The following SCAPER variants were observed in gnomAD, a reference collection of about 807,000 sequenced individuals.
The protein encoded by SCAPER is S phase cyclin A-associated protein in the endoplasmic reticulum.
In SCAPER, 98 loss-of-function variants were observed where a neutral mutation model predicts 182.2. The observed-to-expected ratio is 0.54, with a 90% confidence interval of 0.46 to 0.64. The LOEUF (loss-of-function observed/expected upper bound fraction) is 0.64, where lower values mean the gene tolerates loss of function less well. Ranked by LOEUF, SCAPER falls within the 30% of genes least tolerant of loss-of-function variation. The probability of loss-of-function intolerance (pLI) is 0.00; values close to 1 mark genes in which losing one functional copy is unlikely to be tolerated. For missense variants in SCAPER, 1,432 were observed against 1,690.0 expected (o/e 0.85, Z 2.68); for synonymous variants, 605 against 564.6 (o/e 1.07, Z -1.01).
chr15:76,549,750 A>AG (rs1298646964), intron 23 of SCAPER, among the ~76,000 whole-genome samples: 7 of 522 alleles, frequency 0.013, no homozygotes, highest in Admixed American at 0.045. Context: ...GTGTAAAAAC[A>AG]AAAAAAAGGA....
chr15:76,752,782 G>A (rs1481492623), intron 15 of SCAPER, among the ~76,000 whole-genome samples: 1 of 151,588 alleles, frequency 6.6e-6, no homozygotes, highest in Admixed American at 6.6e-5. Flanking sequence ...AGATGAAAAA[G>A]AGTAATGAAG....
intron 23 of SCAPER, among the ~76,000 whole-genome samples, chr15:76,541,981 G>A (rs2144761119): frequency 6.6e-6 from 1 of 152,108 alleles, no homozygotes; most frequent in South Asian, 2.1e-4. Flanking sequence ...CTAAATGAGG[G>A]GAACCTGAGT....
At chr15:76,568,658 TAC>T (rs2047217874) in intron 23 of SCAPER, among the ~76,000 whole-genome samples, 1 of 152,174 alleles carries the variant, frequency 6.6e-6, no homozygotes, top group South Asian at 2.1e-4. Flanking sequence ...GGGTTTTGCA[TAC>T]TGTTTCATTG....
At chr15:76,682,431 C>A (rs1054882367) in intron 20 of SCAPER, among the ~76,000 whole-genome samples, 1 of 152,100 alleles carries the variant, frequency 6.6e-6, no homozygotes, top group African/African-American at 2.4e-5. Context: ...TGCCCATCAA[C>A]ACCCTGCCAC....
At chr15:76,680,809 A>C (rs2057661266) in intron 20 of SCAPER, among the ~76,000 whole-genome samples, 1 of 152,140 alleles carries the variant, frequency 6.6e-6, no homozygotes, top group African/African-American at 2.4e-5. Flanking sequence ...CTCAATCTTA[A>C]ACCTTCCAGC....
At chr15:76,780,198 T>C (rs2064022347) in intron 8 of SCAPER, among the ~76,000 whole-genome samples, 1 of 152,236 alleles carries the variant, frequency 6.6e-6, no homozygotes, top group African/African-American at 2.4e-5. Flanking sequence ...TCCCATGGTC[T>C]TAGCAACTGG....
At chr15:76,396,659 G>A (rs2142065960) in intron 27 of SCAPER, among the ~76,000 whole-genome samples, 1 of 152,266 alleles carries the variant, frequency 6.6e-6, no homozygotes, top group South Asian at 2.1e-4. Flanking sequence ...TCTGGACATT[G>A]ATTTTGTATC....
intron 24 of SCAPER, among the ~76,000 whole-genome samples, chr15:76,488,377 AT>A (rs1449842333): frequency 2.6e-5 from 4 of 152,170 alleles, no homozygotes; most frequent in Non-Finnish European, 5.9e-5. Context: ...CAGTTTCATA[AT>A]GACAATATTA....
intron 24 of SCAPER, among the ~76,000 whole-genome samples, chr15:76,489,237 GA>G (rs1279116151): frequency 1.5e-5 from 2 of 135,378 alleles, no homozygotes; most frequent in Non-Finnish European, 3.2e-5. Flanking sequence ...AAAAGTAACA[GA>G]AAAAAACCAC....
chr15:76,351,355 TTAAA>T lies in SCAPER; in HGVS notation c.4048-71_4048-68del, dbSNP rs139155809. On this transcript the variant is annotated intron_variant, in intron 30 of 31. Coordinates refer to ENST00000563290, the MANE Select transcript of SCAPER (RefSeq NM_020843.4). ...ACAGAGAATTTCACTAAGGGTGGCTTTAAATATACTTCTGATTCATGCAACCACT... is the reference window on the plus strand; with the variant it reads ...ACAGAGAATTTCACTAAGGGTGGCTTTATACTTCTGATTCATGCAACCACT... 1.4e-3 allele frequency: 2,012 copies of T among 1,404,476 alleles called. 25 individuals are homozygous for T. In the African/African-American group the frequency reaches 0.025, roughly 17 times the overall value. 87.0% of individuals were successfully genotyped at this position (1,404,476 alleles called of 1,614,324 possible).
At chr15:76,675,679 C>T in intron 20 of SCAPER, among the ~76,000 whole-genome samples, 1 of 152,156 alleles carries the variant, frequency 6.6e-6, no homozygotes, top group East Asian at 1.9e-4. Flanking sequence ...ATACGAAGTA[C>T]ACTAACAGGA....
chr15:76,634,901 G>A (rs533684839), intron 21 of SCAPER, among the ~76,000 whole-genome samples: 15 of 152,028 alleles, frequency 9.9e-5, no homozygotes, highest in Non-Finnish European at 2.2e-4. Flanking sequence ...AGTACAGTAA[G>A]TCCTCAATGT....
At chr15:76,548,897 T>C (rs2045517333) in intron 23 of SCAPER, among the ~76,000 whole-genome samples, 1 of 152,180 alleles carries the variant, frequency 6.6e-6, no homozygotes, top group Non-Finnish European at 1.5e-5. Flanking sequence ...AAGGACTTCA[T>C]GTCTAAAACA....
intron 24 of SCAPER, 34 bp downstream of exon 24, chr15:76,504,824 GA>G (rs761360660): frequency 6.6e-7 from 1 of 1,516,770 alleles, no homozygotes; most frequent in South Asian, 1.3e-5. Flanking sequence ...ACTCACAAAT[GA>G]AACGTAAAAA....
At chr15:76,481,537 T>C (rs908443155) in intron 24 of SCAPER, among the ~76,000 whole-genome samples, 2 of 152,194 alleles carry the variant, frequency 1.3e-5, no homozygotes, top group Admixed American at 1.3e-4. Context: ...ACATTTTTAA[T>C]GAAATAAAAC....
chr15:76,826,855 A>C (rs2068060891), intron 5 of SCAPER, among the ~76,000 whole-genome samples: 1 of 152,156 alleles, frequency 6.6e-6, no homozygotes, highest in African/African-American at 2.4e-5. Context: ...TTGTTATGTA[A>C]TTTCTAACAC....
chr15:76,453,105 A>AT (rs1377950808), intron 25 of SCAPER, among the ~76,000 whole-genome samples: 5 of 152,182 alleles, frequency 3.3e-5, no homozygotes, highest in African/African-American at 1.2e-4. Context: ...AGTTGCTGGG[A>AT]TTACAGGTGA....
intron 26 of SCAPER, among the ~76,000 whole-genome samples, chr15:76,421,021 T>C (rs964694779): frequency 1.1e-4 from 16 of 152,248 alleles, no homozygotes; most frequent in African/African-American, 3.9e-4. Context: ...ACTCTATCAA[T>C]GATGTACATC....
intron 5 of SCAPER, among the ~76,000 whole-genome samples, chr15:76,817,656 T>C (rs2067194342): frequency 2.0e-5 from 3 of 152,152 alleles, no homozygotes; most frequent in Admixed American, 6.5e-5. Flanking sequence ...CATATATGTA[T>C]GTCAAAACAT....
Sources: allele counts gnomAD v4.1 joint callset (sites outside exome capture counted in the v4.1 genomes callset), GRCh38; gene constraint gnomAD v4.1.1; transcripts MANE v1.5; gene names NCBI Gene and HGNC (gene_info 2026-07-23, HGNC 2026-07-21).